The following MGAT5 variants were observed in gnomAD, a reference collection of about 807,000 sequenced individuals.
The protein encoded by MGAT5 is alpha-1,6-mannosylglycoprotein 6-beta-N-acetylglucosaminyltransferase A.
Under a neutral mutation model 94.3 loss-of-function variants are expected in MGAT5, and 30 were observed. The ratio of observed to expected loss-of-function variants is 0.32; its 90% CI spans 0.24 to 0.43. The LOEUF (loss-of-function observed/expected upper bound fraction) is 0.43. Among genes scored for constraint, MGAT5 ranks in the 20% least tolerant of loss-of-function variants. MGAT5 has a pLI of 1.00. For synonymous variants in MGAT5, 310 were observed against 322.9 expected, an observed-to-expected ratio of 0.96 and a Z score of 0.43; for missense variants, 691 against 905.5, an observed-to-expected ratio of 0.76 and a Z score of 3.04.
chr2:134,171,169 T>C lies in MGAT5; in HGVS notation c.-143+50878T>C, dbSNP rs558979610. Among the ~76,000 whole-genome samples, 119 of 152,318 alleles carry C rather than the reference T, an allele frequency of 7.8e-4. No individual in the cohort carries two copies. In the Middle Eastern group the frequency reaches 0.01, roughly 13 times the overall value. On this transcript the variant is annotated intron_variant, in intron 1 of 16. Transcript: ENST00000409645. ...AGCCACTGTGTCCGGCCGAGATATATTTCCAAAATGGCTTTTTATTGCTTC... is the reference window on the plus strand; with the variant it reads ...AGCCACTGTGTCCGGCCGAGATATACTTCCAAAATGGCTTTTTATTGCTTC...
At chr2:134,368,262 A>G (rs920292770) in intron 10 of MGAT5, among the ~76,000 whole-genome samples, 6 of 152,112 alleles carry the variant, frequency 3.9e-5, no homozygotes, top group African/African-American at 1.4e-4. Context: ...CACAGGTAAA[A>G]TGTTGCTCCT....
intron 1 of MGAT5, among the ~76,000 whole-genome samples, chr2:134,149,344 C>T (rs985614661): frequency 1.3e-5 from 2 of 152,022 alleles, no homozygotes; most frequent in African/African-American, 4.8e-5. Context: ...TTCTACTCCC[C>T]AGAGAAGCTG....
At chr2:134,152,242 A>G (rs953622481) in intron 1 of MGAT5, among the ~76,000 whole-genome samples, 1 of 136,448 alleles carries the variant, frequency 7.3e-6, no homozygotes, top group Non-Finnish European at 1.5e-5. Context: ...GCTTACCACC[A>G]TGGGACCCGC....
In MGAT5 at chr2:134,432,023, G is replaced by A. The variant is rs532712807; in HGVS notation, c.1869+3584G>A. On this transcript the variant is annotated intron_variant, in intron 14 of 15. Transcript: ENST00000281923. ...TTTAAATGAGCTTTCTCAAAGAGAC[G>A]CTGTCTCCAGCAGGGAGAACTTCTT... Among the ~76,000 whole-genome samples, 10 of 152,310 alleles carry A rather than the reference G, an allele frequency of 6.6e-5. No homozygotes were observed. In the South Asian group the frequency reaches 1.5e-3, roughly 22 times the overall value.
At chr2:134,125,044 C>G (rs1475385582) in intron 1 of MGAT5, among the ~76,000 whole-genome samples, 2 of 151,588 alleles carry the variant, frequency 1.3e-5, no homozygotes, top group Non-Finnish European at 2.9e-5. Flanking sequence ...TCTGGGTCCC[C>G]TCATGGGAGT....
At chr2:134,316,922 G>A (rs1687029837) in intron 2 of MGAT5, among the ~76,000 whole-genome samples, 1 of 152,178 alleles carries the variant, frequency 6.6e-6, no homozygotes, top group African/African-American at 2.4e-5. Flanking sequence ...GGAGTTTATT[G>A]TGAGGAAGTA....
At chr2:134,380,454 C>T (rs1681466865) in intron 10 of MGAT5, among the ~76,000 whole-genome samples, 1 of 152,144 alleles carries the variant, frequency 6.6e-6, no homozygotes, top group African/African-American at 2.4e-5. Context: ...TGTTGTGATG[C>T]AAGTGGAGTG....
At position 134,254,230 on chromosome 2, in the gene MGAT5, A is replaced by G. The variant is rs1047176366; in HGVS notation, c.-174A>G. ...GTTTATTTTGCTGTATTGTGCCATG[A>G]CCACTTGGCTAATTCTTCTCCTCCT... On this transcript the variant is annotated 5_prime_UTR_variant, in exon 1 of 16. An upstream open reading frame in the 5' UTR loses its in-frame stop. Coordinates refer to ENST00000281923, the MANE Select transcript of MGAT5 (RefSeq NM_002410.5). The G allele has an allele frequency of 2.9e-5, 20 of 695,512 alleles. No homozygotes were observed. Among genetic ancestry groups the G allele is most frequent in the Non-Finnish European group, 4.0e-5 (17 of 419,854 alleles). The allele number at this position is 695,512 out of a possible 1,614,324, so 43.1% of individuals were successfully genotyped here.
chr2:134,181,345 G>A (rs1479960848), intron 1 of MGAT5, among the ~76,000 whole-genome samples: 3 of 152,196 alleles, frequency 2.0e-5, no homozygotes, highest in Admixed American at 6.5e-5. Context: ...CTACACTCAT[G>A]TAAACCGGAA....
intron 10 of MGAT5, among the ~76,000 whole-genome samples, chr2:134,382,613 G>T (rs1466618359): frequency 6.6e-6 from 1 of 152,200 alleles, no homozygotes; most frequent in Non-Finnish European, 1.5e-5. Context: ...TTTTAAGCCT[G>T]TACCTCCCCA....
chr2:134,428,474 T>A (rs1469843826), intron 14 of MGAT5, 35 bp downstream of exon 14: 1 of 1,581,890 alleles, frequency 6.3e-7, no homozygotes, highest in Non-Finnish European at 8.7e-7. Context: ...GTCTTTGCTG[T>A]GTACTGCTTC....
intron 9 of MGAT5, among the ~76,000 whole-genome samples, chr2:134,360,210 C>T (rs1358590340): frequency 6.6e-6 from 1 of 152,136 alleles, no homozygotes; most frequent in Non-Finnish European, 1.5e-5. Flanking sequence ...TTCATAGTGT[C>T]AGAGTTAATT....
At chr2:134,391,898 G>A (rs1299553118) in intron 10 of MGAT5, among the ~76,000 whole-genome samples, 2 of 152,232 alleles carry the variant, frequency 1.3e-5, no homozygotes, top group Non-Finnish European at 2.9e-5. Flanking sequence ...GAGTCCAGGT[G>A]CAGGTGGGTG....
intron 4 of MGAT5, among the ~76,000 whole-genome samples, chr2:134,326,044 C>CTCTT (rs1378271009): frequency 7.6e-6 from 1 of 131,988 alleles, no homozygotes; most frequent in Non-Finnish European, 1.6e-5. Flanking sequence ...CTCTTTCTCT[C>CTCTT]TCTCTCTCTT....
chr2:134,122,476 A>T (rs1303016935), intron 1 of MGAT5, among the ~76,000 whole-genome samples: 2 of 152,040 alleles, frequency 1.3e-5, no homozygotes, highest in Non-Finnish European at 2.9e-5. Flanking sequence ...GCCCTCCTCC[A>T]TCACCCTGCT....
chr2:134,445,609 G>C (rs972311280), intron 15 of MGAT5, among the ~76,000 whole-genome samples: 5 of 147,364 alleles, frequency 3.4e-5, no homozygotes, highest in Non-Finnish European at 7.4e-5. Flanking sequence ...ATTGGAGGGA[G>C]GCTTTGCCTT....
chr2:134,243,321 A>G (rs1244103805), intron 1 of MGAT5, among the ~76,000 whole-genome samples: 1 of 152,116 alleles, frequency 6.6e-6, no homozygotes, highest in Non-Finnish European at 1.5e-5. Flanking sequence ...GTCCTGGTTT[A>G]GTCAGTCCTA....
chr2:134,271,831 C>T (rs938250716), intron 2 of MGAT5, among the ~76,000 whole-genome samples: 2 of 152,164 alleles, frequency 1.3e-5, no homozygotes, highest in Non-Finnish European at 2.9e-5. Flanking sequence ...GAGAACCTCC[C>T]ACTGTGTTTA....
chr2:134,132,399 G>A (rs1686218513), intron 1 of MGAT5, among the ~76,000 whole-genome samples: 1 of 152,216 alleles, frequency 6.6e-6, no homozygotes, highest in Non-Finnish European at 1.5e-5. Context: ...TATGGAAGTA[G>A]GTAACAGTAA....
Sources: gnomAD v4.1 joint callset for allele counts (sites outside exome capture counted in the v4.1 genomes callset) on GRCh38, gnomAD v4.1.1 for gene constraint, MANE v1.5 for transcripts, NCBI Gene and HGNC (gene_info 2026-07-23, HGNC 2026-07-21) for gene names.